PDSS2: variants seen among roughly 807,000 people sequenced by gnomAD.
The protein encoded by PDSS2 is all trans-polyprenyl-diphosphate synthase PDSS2.
Under a neutral mutation model 44.5 loss-of-function variants are expected in PDSS2, and 31 were observed. The observed-to-expected ratio is 0.70, with a 90% CI of 0.52 to 0.94. The LOEUF is 0.94. PDSS2 is among the 40% of genes least tolerant of loss of function. The pLI, the probability that PDSS2 is intolerant of heterozygous loss-of-function variation, is 0.00. For missense variants in PDSS2, 452 were observed against 482.2 expected, an observed-to-expected ratio of 0.94 and a Z score of 0.59; for synonymous variants, 157 against 180.3, an observed-to-expected ratio of 0.87 and a Z score of 1.03.
chr6:107,436,017 T>A (rs1394189475), intron 1 of PDSS2, among the ~76,000 whole-genome samples: 2 of 152,172 alleles, frequency 1.3e-5, no homozygotes, highest in African/African-American at 4.8e-5. Context: ...CCAGCTGCAC[T>A]CCATAAACTA....
intron 1 of PDSS2, among the ~76,000 whole-genome samples, chr6:107,345,907 C>T (rs1482106910): frequency 6.6e-6 from 1 of 152,100 alleles, no homozygotes; most frequent in Non-Finnish European, 1.5e-5. Context: ...TCATTTTCCA[C>T]AGAAAAATTT....
chr6:107,437,672 G>A (rs1250820095), intron 1 of PDSS2, among the ~76,000 whole-genome samples: 2 of 151,836 alleles, frequency 1.3e-5, no homozygotes, highest in African/African-American at 4.8e-5. Context: ...TGTGTATTAT[G>A]AAAAATTGGC....
chr6:107,217,881 T>C (rs1047649751), intron 4 of PDSS2, among the ~76,000 whole-genome samples: 3 of 152,124 alleles, frequency 2.0e-5, no homozygotes, highest in Non-Finnish European at 4.4e-5. Context: ...AAACTGTAAG[T>C]CTCTACAAGC....
At chr6:107,301,357 T>C (rs1298506016) in intron 2 of PDSS2, among the ~76,000 whole-genome samples, 1 of 152,216 alleles carries the variant, frequency 6.6e-6, no homozygotes, top group African/African-American at 2.4e-5. Flanking sequence ...GAATAAACTA[T>C]GTATTTCCCA....
At chr6:107,377,209 C>A (rs958146185) in intron 1 of PDSS2, among the ~76,000 whole-genome samples, 1 of 150,878 alleles carries the variant, frequency 6.6e-6, no homozygotes, top group African/African-American at 2.4e-5. Context: ...ACAAACAACC[C>A]CATCAAAAAG....
At chr6:107,330,965 A>G (rs1466412302) in intron 2 of PDSS2, among the ~76,000 whole-genome samples, 1 of 152,216 alleles carries the variant, frequency 6.6e-6, no homozygotes, top group Non-Finnish European at 1.5e-5. Context: ...AGGCCAAACA[A>G]AAGAGATCAC....
At chr6:107,315,039 G>A in intron 2 of PDSS2, among the ~76,000 whole-genome samples, 1 of 152,050 alleles carries the variant, frequency 6.6e-6, no homozygotes, top group South Asian at 2.1e-4. Context: ...AAAATGTCTT[G>A]TTTACATTAA....
intron 2 of PDSS2, among the ~76,000 whole-genome samples, chr6:107,279,142 C>A (rs560229649): frequency 5.9e-5 from 9 of 152,160 alleles, no homozygotes; most frequent in African/African-American, 1.2e-4. Flanking sequence ...TCGCTTCAAC[C>A]CGGGAGGCGG....
Position 107,420,781 on chromosome 6 carries a change from G to A in PDSS2, c.296+38209C>T, listed in dbSNP as rs780068401. Among the ~76,000 whole-genome samples, 48 of 149,952 alleles carry A rather than the reference G, an allele frequency of 3.2e-4. 1 individual carries two copies. Among genetic ancestry groups the A allele is most frequent in the Middle Eastern group, 3.4e-3 (1 of 290 alleles). ...GAACATCTTTGGGACCTAGGGCTAGGAAAAGAGTTCTCAGACATCACATCA... is the reference window on the plus strand; with the variant it reads ...GAACATCTTTGGGACCTAGGGCTAGAAAAAGAGTTCTCAGACATCACATCA... On this transcript the variant is annotated intron_variant, in intron 1 of 7. Coordinates refer to ENST00000369037, the MANE Select transcript of PDSS2 (RefSeq NM_020381.4).
intron 1 of PDSS2, among the ~76,000 whole-genome samples, chr6:107,395,738 C>G (rs1298102308): frequency 6.6e-6 from 1 of 151,946 alleles, no homozygotes; most frequent in Non-Finnish European, 1.5e-5. Flanking sequence ...GTTTTCAGGT[C>G]TGTTTCTATT....
chr6:107,234,582 C>T (rs1774166289), intron 4 of PDSS2, among the ~76,000 whole-genome samples: 1 of 151,830 alleles, frequency 6.6e-6, no homozygotes, highest in Admixed American at 6.6e-5. Context: ...GATGAATTCC[C>T]AAATCATCTT....
chr6:107,173,572 C>CAAAAAAAAAAAAAAAAAAA (rs71012783), intron 7 of PDSS2, among the ~76,000 whole-genome samples: 7 of 41,510 alleles, frequency 1.7e-4, no homozygotes, highest in African/African-American at 8.8e-4. Flanking sequence ...GACTCTGTCT[C>CAAAAAAAAAAAAAAAAAAA]AAAAAAAAAA....
At chr6:107,277,517 C>T (rs1274671495) in intron 2 of PDSS2, among the ~76,000 whole-genome samples, 1 of 151,786 alleles carries the variant, frequency 6.6e-6, no homozygotes, top group Non-Finnish European at 1.5e-5. Flanking sequence ...AAGAAGATTC[C>T]AAAGGTGATA....
In PDSS2 at chr6:107,229,405, A is replaced by C. The variant is rs552326387; in HGVS notation, c.702+16143T>G. On this transcript the variant is annotated intron_variant, in intron 4 of 7. Coordinates refer to ENST00000369037, the MANE Select transcript of PDSS2 (RefSeq NM_020381.4). ...TTTCACCATAAGCCAGGCTGGTCTC[A>C]AACTCCTGACCTCGTGATTCACCCG... Among the ~76,000 whole-genome samples the C allele has an allele frequency of 1.1e-3, 167 of 152,172 alleles. 5 individuals carry two copies. The South Asian group carries it at 0.033, about 30-fold the overall frequency.
chr6:107,298,823 T>C (rs183288999), intron 2 of PDSS2, among the ~76,000 whole-genome samples: 9 of 152,232 alleles, frequency 5.9e-5, no homozygotes, highest in African/African-American at 2.2e-4. Context: ...CACTCTTCCA[T>C]AGCAAATGAA....
Position 107,239,553 on chromosome 6 carries a change from G to T in PDSS2, c.702+5995C>A, listed in dbSNP as rs554055992. Among the ~76,000 whole-genome samples the T allele has an allele frequency of 5.3e-4, 80 of 151,282 alleles. No homozygotes were observed. In the South Asian group the frequency reaches 0.016, roughly 31 times the overall value. ...AACATAATCATGATTCATTTCTGGG[G>T]AATGGTTTTATAAAATAATTTTTAT... On this transcript the variant is annotated intron_variant, in intron 4 of 7. Coordinates refer to ENST00000369037, the MANE Select transcript of PDSS2 (RefSeq NM_020381.4).
chr6:107,196,248 T>C (rs1304207532), intron 6 of PDSS2, among the ~76,000 whole-genome samples: 1 of 152,242 alleles, frequency 6.6e-6, no homozygotes, highest in Non-Finnish European at 1.5e-5. Flanking sequence ...CCATAGTAAC[T>C]TCTGCAGAAG....
intron 1 of PDSS2, among the ~76,000 whole-genome samples, chr6:107,433,142 T>C: frequency 6.6e-6 from 1 of 152,094 alleles, no homozygotes; most frequent in Non-Finnish European, 1.5e-5. Context: ...CCACCCCAGT[T>C]TTTTCCTACG....
chr6:107,318,511 A>G (rs1446442744), intron 2 of PDSS2, among the ~76,000 whole-genome samples: 1 of 152,194 alleles, frequency 6.6e-6, no homozygotes. Context: ...AGCTTAAAAA[A>G]AAAAGATCTG....
Sources: allele counts gnomAD v4.1 joint callset (sites outside exome capture counted in the v4.1 genomes callset), GRCh38; gene constraint gnomAD v4.1.1; transcripts MANE v1.5; gene names NCBI Gene and HGNC (gene_info 2026-07-23, HGNC 2026-07-21).